Variants in FCER2 observed in about 807,000 individuals in gnomAD.
FCER2 encodes low affinity immunoglobulin epsilon Fc receptor.
FCER2 carries 38 observed loss-of-function variants against 49.7 expected under a neutral mutation model. That is an observed-to-expected ratio of 0.76 (90% confidence interval 0.59 to 1.00). The LOEUF (loss-of-function observed/expected upper bound fraction) is 1.00. Among genes scored for constraint, FCER2 ranks in the 50% least tolerant of loss-of-function variants. FCER2 has a pLI of 0.00. For missense variants in FCER2, 425 were observed against 419.5 expected (o/e 1.01, Z -0.11); for synonymous variants, 163 against 164.6 (o/e 0.99, Z 0.07).
chr19:7,697,373 G>T, intron 5 of FCER2, 75 bp from the exon 6 acceptor site: 2 of 1,550,572 alleles, frequency 1.3e-6, no homozygotes, highest in Non-Finnish European at 1.8e-6. Context: ...CCATCCCTTG[G>T]TCTCTTTGCC....
chr19:7,699,649 G>T, intron 2 of FCER2, 90 bp downstream of exon 2: 1 of 1,324,884 alleles, frequency 7.5e-7, no homozygotes. Context: ...TCCCAGAGAG[G>T]GACTGGGGAG....
intron 8 of FCER2, among the ~76,000 whole-genome samples, chr19:7,694,589 A>AT (rs1202201438): frequency 6.6e-6 from 1 of 152,118 alleles, no homozygotes; most frequent in Non-Finnish European, 1.5e-5. Context: ...AGAAGTTGTC[A>AT]TGGTCCAGAG....
At chr19:7,694,666 C>G (rs963222725) in intron 8 of FCER2, among the ~76,000 whole-genome samples, 11 of 152,174 alleles carry the variant, frequency 7.2e-5, no homozygotes, top group African/African-American at 2.7e-4. Context: ...CCCAAAGCCA[C>G]TTCACATCCC....
At chr19:7,699,491 T>C in intron 2 of FCER2, 3 of 1,353,258 alleles carry the variant, frequency 2.2e-6, no homozygotes, top group South Asian at 2.7e-5. Context: ...TTTTTTTTTT[T>C]TCTTTTTCTT....
chr19:7,699,091 A>C (rs8110128), intron 2 of FCER2, among the ~76,000 whole-genome samples: 94,234 of 151,580 alleles, frequency 0.62, 31,224 homozygotes, highest in African/African-American at 0.87. Flanking sequence ...CCTCAGCCCC[A>C]ACAACCAATG....
Position 7,699,588 on chromosome 19 carries a change from G to A in FCER2, c.22+151C>T, listed in dbSNP as rs58186115. The A allele has an allele frequency of 4.6e-3, 5,372 of 1,163,556 alleles. 192 individuals carry two copies. In the African/African-American group the frequency reaches 0.071, roughly 15 times the overall value. The allele number at this position is 1,163,556 out of a possible 1,614,324, so 72.1% of individuals were successfully genotyped here. A position where few individuals can be genotyped will look rare whatever the true frequency, so the allele number is the denominator to read the frequency against. On this transcript the variant is annotated intron_variant, in intron 2 of 10. Transcript: ENST00000597921. ...GGCTCTGTGCCAGGAAAGTCAGTCC[G>A]GCCTCACCTCCTTACTCACACCAGT... is the stretch of plus-strand genomic sequence containing the variant.
At chr19:7,698,711 G>A (rs2146281689) in intron 3 of FCER2, 30 bp downstream of exon 3, 1 of 1,606,780 alleles carries the variant, frequency 6.2e-7, no homozygotes, top group South Asian at 1.1e-5. Flanking sequence ...ATGAGTTGGG[G>A]GGACCACATG....
intron 8 of FCER2, among the ~76,000 whole-genome samples, chr19:7,691,342 C>T (rs1372421059): frequency 1.3e-5 from 2 of 152,172 alleles, no homozygotes; most frequent in Non-Finnish European, 2.9e-5. Flanking sequence ...GCCATGACCA[C>T]ATCACCGGCT....
At chr19:7,698,482 C>A (rs1219978604) in intron 3 of FCER2, 73 bp from the exon 4 acceptor site, 3 of 1,235,810 alleles carry the variant, frequency 2.4e-6, no homozygotes, top group Non-Finnish European at 3.5e-6. Flanking sequence ...CCCCACCTCC[C>A]AGCTGGGGAT....
Position 7,693,373 on chromosome 19 carries a change from C to T in FCER2, c.470-2816G>A, listed in dbSNP as rs1166840298. 2.0e-5 allele frequency among the ~76,000 whole-genome samples: 3 copies of T among 152,032 alleles called. 1 individual carries two copies. The highest frequency in any genetic ancestry group is 3.9e-4 in the East Asian group (2 of 5,168). On this transcript the variant is annotated intron_variant, in intron 8 of 10. Coordinates refer to ENST00000597921, the MANE Select transcript of FCER2 (RefSeq NM_001220500.2). ...GGTCTCTTTCTCCCCTTCCCCCCAC[C>T]GCAGTGAAACTCCCAGACATTGTTG...
intron 8 of FCER2, among the ~76,000 whole-genome samples, chr19:7,696,570 G>A (rs12984649): frequency 0.17 from 25,292 of 151,132 alleles, 2,404 homozygotes; most frequent in Admixed American, 0.28. Context: ...AATAAGCGGT[G>A]TTTTATGTAT....
intron 8 of FCER2, 46 bp downstream of exon 8, chr19:7,696,779 C>T: frequency 6.9e-7 from 1 of 1,446,682 alleles, no homozygotes. Context: ...CGCCCGAGCC[C>T]CAGGTGAGGT....
chr19:7,697,542 C>A lies in FCER2; in HGVS notation c.238G>T (p.Ala80Ser). The part of the protein sequence containing the change: ...NLESHHGDQM[A>S]QKSQSTQISQ... The stretch of plus-strand genomic sequence containing the variant: ...AGTCACTCACACTGGGATTTCTGCG[C>A]CATCTGGTCACCGTGGTGGCTTTCC... Residue 80 changes from alanine (A) to serine (S), a missense_variant, in exon 5 of 11, where the codon GCG becomes TCG. Transcript: ENST00000597921. 1.9e-6 allele frequency: 3 copies of A among 1,614,096 alleles called. No homozygotes were observed. The highest frequency in any genetic ancestry group is 2.5e-6 in the Non-Finnish European group (3 of 1,179,964).
intron 9 of FCER2, 36 bp from the exon 10 acceptor site, chr19:7,690,301 T>C (rs2032826582): frequency 6.2e-7 from 1 of 1,608,022 alleles, no homozygotes; most frequent in South Asian, 1.1e-5. Flanking sequence ...ACTGGAGACA[T>C]GTGCCCGGGG....
At chr19:7,698,313 C>A in intron 4 of FCER2, 43 bp downstream of exon 4, 2 of 1,435,126 alleles carry the variant, frequency 1.4e-6, no homozygotes, top group Middle Eastern at 1.8e-4. Flanking sequence ...TGCTGGGCAT[C>A]CTAACCCTCA....
intron 2 of FCER2, chr19:7,699,536 G>T: frequency 7.3e-7 from 1 of 1,370,028 alleles, no homozygotes; most frequent in East Asian, 2.6e-5. Context: ...AGAAAAAGGA[G>T]GGGCCCTCAA....
chr19:7,691,112 C>T (rs2032857195), intron 8 of FCER2, among the ~76,000 whole-genome samples: 1 of 152,198 alleles, frequency 6.6e-6, no homozygotes, highest in Admixed American at 6.5e-5. Context: ...ACCACAAACA[C>T]ACTCATGTCC....
chr19:7,693,625 T>C (rs1220514606), intron 8 of FCER2, among the ~76,000 whole-genome samples: 3 of 149,368 alleles, frequency 2.0e-5, no homozygotes, highest in Admixed American at 1.3e-4. Flanking sequence ...AAGGTTCCAC[T>C]ACACGTGGTC....
Position 7,690,196 on chromosome 19 carries a change from C to G in FCER2, c.691G>C (p.Glu231Gln), listed in dbSNP as rs138488307. ...IGLRNLDLKGEFIWVDGSHVD... is the reference protein window; with the variant it reads ...IGLRNLDLKGQFIWVDGSHVD... ...TGGCTCCCATCCACCCAGATAAACT[C>G]CCCCTTCAGGTCCAAGTTCCGAAGG... The change falls in exon 10 of 11, where the codon GAG becomes CAG. Residue 231 changes from glutamate (E) to glutamine (Q), a missense_variant. Coordinates refer to ENST00000597921, the MANE Select transcript of FCER2 (RefSeq NM_001220500.2). 1.2e-4 allele frequency: 200 copies of G among 1,613,850 alleles called. No individual in the cohort carries two copies. Among genetic ancestry groups the G allele is most frequent in the Non-Finnish European group, 1.6e-4 (192 of 1,179,830 alleles).
Sources: allele counts gnomAD v4.1 joint callset (sites outside exome capture counted in the v4.1 genomes callset), GRCh38; gene constraint gnomAD v4.1.1; transcripts MANE v1.5; gene names NCBI Gene and HGNC (gene_info 2026-07-23, HGNC 2026-07-21).